Variants in SYN3 observed in about 807,000 individuals in gnomAD.
The protein encoded by SYN3 is synapsin III.
Under a neutral mutation model 65.8 loss-of-function variants are expected in SYN3, and 35 were observed. The observed-to-expected ratio is 0.53, with a 90% CI of 0.41 to 0.70. The LOEUF is 0.70. Among genes scored for constraint, SYN3 ranks in the 30% least tolerant of loss-of-function variants. The pLI is 0.00. For missense variants in SYN3, 680 were observed against 749.0 expected (o/e 0.91, Z 1.08); for synonymous variants, 270 against 292.9 (o/e 0.92, Z 0.80).
intron 3 of SYN3, 65 bp from the exon 4 acceptor site, chr22:32,931,546 C>T: frequency 3.6e-6 from 4 of 1,118,774 alleles, no homozygotes; most frequent in Non-Finnish European, 5.5e-6. Flanking sequence ...ACGGTTAACA[C>T]ATATTGGGTA....
In SYN3 at chr22:32,508,983, G is replaced by A. The variant is rs1192942148; in HGVS notation, c.*4709C>T. Among the ~76,000 whole-genome samples, 1 of 152,208 alleles carries A rather than the reference G, an allele frequency of 6.6e-6. No individual in the cohort carries two copies. The highest frequency in any genetic ancestry group is 2.4e-5 in the African/African-American group (1 of 41,454). On this transcript the variant is annotated 3_prime_UTR_variant, in exon 14 of 14. Transcript: ENST00000358763. Reference sequence around the variant, plus strand: ...TTAAATTTTGGAAAGATAGAATTGAGTGTTAGTTCTATCTTGAATGTATCT... The same window carrying A: ...TTAAATTTTGGAAAGATAGAATTGAATGTTAGTTCTATCTTGAATGTATCT...
intron 1 of SYN3, among the ~76,000 whole-genome samples, chr22:33,028,660 G>GGTGGTGGTC (rs2053683025): frequency 2.5e-5 from 3 of 117,794 alleles, no homozygotes; most frequent in African/African-American, 1.2e-4. Context: ...TGGTGGTGGT[G>GGTGGTGGTC]GTGGTGGTGG....
chr22:33,032,459 C>T lies in SYN3; in HGVS notation c.-162-25635G>A, dbSNP rs575735148. On this transcript the variant is annotated intron_variant, in intron 1 of 13. Coordinates refer to ENST00000358763, the MANE Select transcript of SYN3 (RefSeq NM_003490.4). ...GACGAAGGTTGCAATAAGCTGAGAT[C>T]GTGCCACTGCACTCCAGCCTGGGTG... Among the ~76,000 whole-genome samples, 30 of 150,332 alleles carry T rather than the reference C, an allele frequency of 2.0e-4. No individual in the cohort carries two copies. In the South Asian group the frequency reaches 6.1e-3, roughly 31 times the overall value.
chr22:32,585,991 CGTATATATGTATGTA>C (rs2059025560), intron 7 of SYN3, among the ~76,000 whole-genome samples: 4 of 79,818 alleles, frequency 5.0e-5, no homozygotes, highest in Non-Finnish European at 8.9e-5. Context: ...TGTATGTATA[CGTATATATGTATGTA>C]TGTATACGTA....
chr22:32,940,441 TC>T lies in SYN3; in HGVS notation c.370-8961del, dbSNP rs772928773. Among the ~76,000 whole-genome samples, 36 of 152,318 alleles carry T rather than the reference TC, an allele frequency of 2.4e-4. No homozygotes were observed. In the South Asian group the frequency reaches 3.5e-3, roughly 15 times the overall value. ...CTTTAGCTTAAAAAATGTTTGCCTA[TC>T]CCAAGGTCATGTAGGCACTCTCAGT... On this transcript the variant is annotated intron_variant, in intron 3 of 13. Coordinates refer to ENST00000358763, the MANE Select transcript of SYN3 (RefSeq NM_003490.4).
At chr22:33,028,891 C>T (rs939054781) in intron 1 of SYN3, among the ~76,000 whole-genome samples, 3 of 151,892 alleles carry the variant, frequency 2.0e-5, no homozygotes, top group South Asian at 2.1e-4. Context: ...ATACAAAAAA[C>T]TAGCCGGGCG....
chr22:32,825,792 G>T (rs5754305), intron 6 of SYN3, among the ~76,000 whole-genome samples: 2 of 142,956 alleles, frequency 1.4e-5, no homozygotes, highest in South Asian at 4.7e-4. Flanking sequence ...GTTTATCATA[G>T]AGTTGTTTAT....
At chr22:32,621,522 A>G (rs2059593928) in intron 6 of SYN3, among the ~76,000 whole-genome samples, 1 of 152,132 alleles carries the variant, frequency 6.6e-6, no homozygotes, top group Non-Finnish European at 1.5e-5. Context: ...TGCTGTTTAC[A>G]TGTGCTGTGT....
intron 10 of SYN3, among the ~76,000 whole-genome samples, chr22:32,532,328 C>T (rs2058088726): frequency 6.6e-6 from 1 of 152,298 alleles, no homozygotes; most frequent in Admixed American, 6.5e-5. Flanking sequence ...TCCTGCCCCA[C>T]CTCTGGGCTG....
In SYN3 at chr22:32,720,886, C is replaced by A. The variant is rs114204359; in HGVS notation, c.712-124150G>T. Among the ~76,000 whole-genome samples the A allele has an allele frequency of 3.3e-3, 495 of 152,300 alleles. 2 individuals are homozygous for A. Among genetic ancestry groups the A allele is most frequent in the African/African-American group, 0.012 (479 of 41,554 alleles). On this transcript the variant is annotated intron_variant, in intron 6 of 13. Coordinates refer to ENST00000358763, the MANE Select transcript of SYN3 (RefSeq NM_003490.4). The stretch of plus-strand genomic sequence containing the variant: ...CTCTTAACTGCCAGTGGGGACATTG[C>A]TCTTGCCTCTACCCCCACCTCTCTG...
chr22:32,965,255 T>C (rs2051793430), intron 3 of SYN3, among the ~76,000 whole-genome samples: 1 of 150,342 alleles, frequency 6.7e-6, no homozygotes, highest in Non-Finnish European at 1.5e-5. Flanking sequence ...ATATCAATGA[T>C]TTATCTGCAT....
chr22:32,528,099 G>A, intron 11 of SYN3, 94 bp from the exon 12 acceptor site: 5 of 952,584 alleles, frequency 5.2e-6, no homozygotes, highest in Non-Finnish European at 7.7e-6. Flanking sequence ...TTTTATCATT[G>A]AGAAGAGACT....
At chr22:32,569,533 ATCAATCTCTCTC>A (rs1341267739) in intron 7 of SYN3, among the ~76,000 whole-genome samples, 16 of 93,904 alleles carry the variant, frequency 1.7e-4, no homozygotes, top group Middle Eastern at 5.6e-3. Context: ...TCTAAAATCA[ATCAATCTCTCTC>A]TCTCTCTCTC....
intron 6 of SYN3, among the ~76,000 whole-genome samples, chr22:32,688,879 C>T (rs1045797061): frequency 5.9e-5 from 9 of 152,112 alleles, no homozygotes; most frequent in African/African-American, 1.7e-4. Context: ...GAGAGGCAGC[C>T]GTAGGCAGGG....
At chr22:32,749,059 A>C (rs2045029379) in intron 6 of SYN3, among the ~76,000 whole-genome samples, 1 of 152,084 alleles carries the variant, frequency 6.6e-6, no homozygotes, top group Admixed American at 6.6e-5. Context: ...CACATTACCA[A>C]AGACTGAGGC....
chr22:32,812,512 G>C (rs1327533098), intron 6 of SYN3, among the ~76,000 whole-genome samples: 1 of 152,078 alleles, frequency 6.6e-6, no homozygotes. Context: ...GGGAGGGCTT[G>C]GTAAAAATTG....
chr22:32,684,932 C>T (rs911222249), intron 6 of SYN3, among the ~76,000 whole-genome samples: 6 of 152,270 alleles, frequency 3.9e-5, no homozygotes, highest in Admixed American at 2.6e-4. Flanking sequence ...GTTGGGAGGA[C>T]GAAATGAGAT....
intron 6 of SYN3, among the ~76,000 whole-genome samples, chr22:32,776,408 C>T (rs1039954041): frequency 1.3e-5 from 2 of 152,170 alleles, no homozygotes; most frequent in Non-Finnish European, 1.5e-5. Context: ...GATAGTCATG[C>T]CTTACCAGGT....
intron 6 of SYN3, among the ~76,000 whole-genome samples, chr22:32,855,123 C>T (rs574542131): frequency 1.3e-3 from 201 of 152,308 alleles, no homozygotes; most frequent in Non-Finnish European, 2.4e-3. Context: ...GCCCAGAGAC[C>T]ACCAGCAGTC....
Sources: allele counts gnomAD v4.1 joint callset (sites outside exome capture counted in the v4.1 genomes callset), GRCh38; gene constraint gnomAD v4.1.1; transcripts MANE v1.5; gene names NCBI Gene and HGNC (gene_info 2026-07-23, HGNC 2026-07-21).